Variants in REDIC1 observed in about 807,000 individuals in gnomAD.
REDIC1 encodes HEI10 Interacting Protein 1.
chr12:39,634,150 C>T, the REDIC1 span, among the ~76,000 whole-genome samples: 2 of 152,030 alleles, frequency 1.3e-5, no homozygotes, highest in East Asian at 1.9e-4. Context: ...CCTTCACATC[C>T]CTTGTAAGTT....
chr12:39,663,594 T>C, the REDIC1 span, among the ~76,000 whole-genome samples: 4 of 152,112 alleles, frequency 2.6e-5, no homozygotes, highest in African/African-American at 9.6e-5. Context: ...TTACTCTTGA[T>C]ATGTGAGGAC....
At chr12:39,692,077 C>CTTT in the REDIC1 span, 25 of 1,577,622 alleles carry the variant, frequency 1.6e-5, no homozygotes, top group Admixed American at 1.1e-4. Context: ...GGAATATATT[C>CTTT]TTTAAAAAGC....
the REDIC1 span, chr12:39,759,213 C>T: frequency 1.3e-5 from 2 of 152,352 alleles, no homozygotes; most frequent in Admixed American, 6.6e-5. Flanking sequence ...AATTGCATAC[C>T]TAAGTGACTA....
the REDIC1 span, among the ~76,000 whole-genome samples, chr12:39,832,099 A>ATTTT: frequency 6.6e-6 from 1 of 152,168 alleles, no homozygotes; most frequent in African/African-American, 2.4e-5. Context: ...AAGAGAGGCC[A>ATTTT]TTCAAATGTA....
At chr12:39,670,026 A>G in the REDIC1 span, among the ~76,000 whole-genome samples, 5 of 152,164 alleles carry the variant, frequency 3.3e-5, no homozygotes, top group South Asian at 2.1e-4. Context: ...TGTCCTGCTT[A>G]GGCTCACTCT....
At chr12:39,714,688 A>G in the REDIC1 span, among the ~76,000 whole-genome samples, 1 of 151,906 alleles carries the variant, frequency 6.6e-6, no homozygotes, top group Non-Finnish European at 1.5e-5. Context: ...CCAGCAATGT[A>G]GAAGTGTTCC....
the REDIC1 span, among the ~76,000 whole-genome samples, chr12:39,828,711 A>G: frequency 0.027 from 2,105 of 76,864 alleles, 136 homozygotes; most frequent in Admixed American, 0.19. Context: ...GTAGTAACTT[A>G]GTTTTTTTTT....
chr12:39,850,991 C>A, the REDIC1 span, among the ~76,000 whole-genome samples: 1 of 151,948 alleles, frequency 6.6e-6, no homozygotes, highest in African/African-American at 2.4e-5. Context: ...CCTCTACCTC[C>A]TGGGTTCAAG....
the REDIC1 span, among the ~76,000 whole-genome samples, chr12:39,724,466 C>A: frequency 1.3e-5 from 2 of 152,206 alleles, no homozygotes; most frequent in East Asian, 3.9e-4. Context: ...TGCTTAATAA[C>A]CAACACTTCC....
the REDIC1 span, among the ~76,000 whole-genome samples, chr12:39,856,515 CAT>C: frequency 3.3e-5 from 5 of 152,100 alleles, no homozygotes; most frequent in Non-Finnish European, 7.4e-5. Flanking sequence ...ACTACAGGCG[CAT>C]GCCACCATGC....
chr12:39,776,130 A>G, the REDIC1 span, among the ~76,000 whole-genome samples: 2 of 152,194 alleles, frequency 1.3e-5, no homozygotes, highest in Non-Finnish European at 1.5e-5. Context: ...TTTTCCCATA[A>G]TACAGTCAGG....
the REDIC1 span, among the ~76,000 whole-genome samples, chr12:39,893,352 C>T: frequency 0.068 from 10,336 of 152,182 alleles, 469 homozygotes; most frequent in Admixed American, 0.14. Context: ...CAGGCTGGAG[C>T]ACAGTGGTGC....
the REDIC1 span, among the ~76,000 whole-genome samples, chr12:39,853,149 C>T: frequency 2.0e-5 from 3 of 152,310 alleles, no homozygotes; most frequent in South Asian, 6.2e-4. Flanking sequence ...CCACCAGTAA[C>T]AAAGCCATTG....
chr12:39,724,165 G>T, the REDIC1 span, among the ~76,000 whole-genome samples: 2 of 152,120 alleles, frequency 1.3e-5, no homozygotes, highest in Non-Finnish European at 2.9e-5. Context: ...ATGGGAATTG[G>T]TGGTTAAATA....
At chr12:39,862,121 T>C in the REDIC1 span, among the ~76,000 whole-genome samples, 2 of 152,184 alleles carry the variant, frequency 1.3e-5, no homozygotes, top group African/African-American at 4.8e-5. Context: ...CATTCTTTAA[T>C]ACATTCAGTC....
At chr12:39,777,141 T>C in the REDIC1 span, among the ~76,000 whole-genome samples, 1 of 152,226 alleles carries the variant, frequency 6.6e-6, no homozygotes, top group Non-Finnish European at 1.5e-5. Context: ...TTTTTCATAT[T>C]GTACTTATGG....
the REDIC1 span, among the ~76,000 whole-genome samples, chr12:39,679,861 C>G: frequency 2.0e-5 from 3 of 152,170 alleles, no homozygotes; most frequent in South Asian, 2.1e-4. Context: ...AACTGATCTT[C>G]GACAAAGCAA....
At chr12:39,733,378 G>A in the REDIC1 span, among the ~76,000 whole-genome samples, 1 of 151,704 alleles carries the variant, frequency 6.6e-6, no homozygotes, top group African/African-American at 2.4e-5. Context: ...CTGTTCCTTT[G>A]CTTTAGTTTT....
chr12:39,841,280 A>C, the REDIC1 span, among the ~76,000 whole-genome samples: 941 of 152,268 alleles, frequency 6.2e-3, 12 homozygotes, highest in African/African-American at 0.021. Flanking sequence ...TTTGCGATTT[A>C]ACATATATTG....
Sources: allele counts gnomAD v4.1 joint callset (sites outside exome capture counted in the v4.1 genomes callset), GRCh38; gene constraint gnomAD v4.1.1; transcripts MANE v1.5; gene names NCBI Gene and HGNC (gene_info 2026-07-23, HGNC 2026-07-21).